The following DPP8 variants were observed in gnomAD, a reference collection of about 807,000 sequenced individuals.
DPP8 encodes the protein DPP VIII.
DPP8 carries 31 observed loss-of-function variants against 107.5 expected under a neutral mutation model. That is an observed-to-expected ratio of 0.29 (90% CI 0.22 to 0.39). The LOEUF (loss-of-function observed/expected upper bound fraction) is 0.39. DPP8 is among the 10% of genes least tolerant of loss of function. The probability of loss-of-function intolerance (pLI) is 1.00; values close to 1 mark genes in which losing one functional copy is unlikely to be tolerated. For synonymous variants in DPP8, 381 were observed against 356.6 expected, an observed-to-expected ratio of 1.07 and a Z score of -0.77; for missense variants, 842 against 1,076.1, an observed-to-expected ratio of 0.78 and a Z score of 3.04.
At chr15:65,464,414 G>T (rs1310757800) in intron 14 of DPP8, among the ~76,000 whole-genome samples, 3 of 151,896 alleles carry the variant, frequency 2.0e-5, no homozygotes, top group Non-Finnish European at 4.4e-5. Flanking sequence ...AGGCACGGTG[G>T]CTCACACCTA....
At chr15:65,492,269 G>C (rs114242275) in intron 5 of DPP8, among the ~76,000 whole-genome samples, 2 of 151,958 alleles carry the variant, frequency 1.3e-5, no homozygotes, top group Non-Finnish European at 2.9e-5. Context: ...TTGAGTCTGG[G>C]AGAAGGAGGA....
chr15:65,516,628 T>G (rs1251270090), intron 1 of DPP8: 1 of 152,164 alleles, frequency 6.6e-6, no homozygotes, highest in Non-Finnish European at 1.5e-5. Context: ...ACTAAGCCCC[T>G]CACTCAGAAA....
intron 14 of DPP8, 61 bp from the exon 15 acceptor site, chr15:65,463,967 G>T: frequency 7.7e-7 from 1 of 1,297,302 alleles, no homozygotes; most frequent in South Asian, 1.7e-5. Flanking sequence ...CTACAATCTG[G>T]GAACAAGAAA....
intron 3 of DPP8, among the ~76,000 whole-genome samples, chr15:65,507,033 G>C (rs1478317896): frequency 2.0e-5 from 3 of 152,056 alleles, no homozygotes; most frequent in Non-Finnish European, 4.4e-5. Flanking sequence ...CAGTTAAACA[G>C]GGAGAAAGCA....
At chr15:65,474,145 AT>A in intron 12 of DPP8, 63 bp downstream of exon 12, 1 of 1,198,034 alleles carries the variant, frequency 8.3e-7, no homozygotes. Context: ...TACATTACTC[AT>A]TTTTAGCACT....
intron 7 of DPP8, among the ~76,000 whole-genome samples, chr15:65,485,976 C>A (rs562366317): frequency 6.6e-6 from 1 of 151,550 alleles, no homozygotes; most frequent in Non-Finnish European, 1.5e-5. Context: ...CGCCTGTAAT[C>A]CCAGCTACTC....
rs896613011 is a variant in DPP8, at chr15:65,512,060, G to A, written c.259+235C>T. The A allele has an allele frequency of 2.0e-5, 13 of 652,518 alleles. No homozygotes were observed. In the East Asian group the frequency reaches 2.8e-4, roughly 14 times the overall value. The allele number at this position is 652,518 out of a possible 1,614,324, so 40.4% of individuals were successfully genotyped here. On this transcript the variant is annotated intron_variant, in intron 2 of 19. Coordinates refer to ENST00000300141, the MANE Select transcript of DPP8 (RefSeq NM_130434.5). Reference sequence around the variant, plus strand: ...CTAGCTTTAGGAAGAAGCAATTTCTGGCATCTTCGATTTTGAAAAACGATC... The same window carrying A: ...CTAGCTTTAGGAAGAAGCAATTTCTAGCATCTTCGATTTTGAAAAACGATC...
intron 17 of DPP8, among the ~76,000 whole-genome samples, chr15:65,453,845 T>C (rs1052553545): frequency 2.0e-5 from 3 of 151,996 alleles, no homozygotes; most frequent in Non-Finnish European, 4.4e-5. Flanking sequence ...CAGTGGCTCA[T>C]GCCTGTAATC....
chr15:65,513,107 ATT>A (rs1274094935), intron 1 of DPP8, among the ~76,000 whole-genome samples: 1 of 152,190 alleles, frequency 6.6e-6, no homozygotes, highest in Non-Finnish European at 1.5e-5. Context: ...AAGATAATAT[ATT>A]GTTTCCTTTT....
At position 65,507,493 on chromosome 15, in the gene DPP8, G is replaced by A. The variant is rs1166643269; in HGVS notation, c.260-138C>T. 5 of 545,872 alleles carry A rather than the reference G, an allele frequency of 9.2e-6. No individual in the cohort carries two copies. In the East Asian group the frequency reaches 1.6e-4, roughly 18 times the overall value. The allele number at this position is 545,872 out of a possible 1,614,324, so 33.8% of individuals were successfully genotyped here. On this transcript the variant is annotated intron_variant, in intron 2 of 19. Coordinates refer to ENST00000300141, the MANE Select transcript of DPP8 (RefSeq NM_130434.5). The stretch of plus-strand genomic sequence containing the variant: ...GATATATAATGAATGTTAACAAGTA[G>A]AATGTGCTTATGCCATATGCCATAA...
chr15:65,480,241 G>A lies in DPP8; in HGVS notation c.1277C>T (p.Thr426Ile), dbSNP rs771999798. The change falls in exon 10 of 20, where the codon ACA becomes ATA. Residue 426 changes from threonine (T) to isoleucine (I), a missense_variant. This residue lies in a region of DPP8 where 663 missense variants were observed against 758.0 expected (regional missense o/e 0.87). Coordinates refer to ENST00000300141, the MANE Select transcript of DPP8 (RefSeq NM_130434.5). ...GCATACATTTATCCAGATGTCTGTT[G>A]TTTCTTCATAGATAATTAGTGGCGT... ...SVTPLIIYEE[T>I]TDIWINIHDI... The A allele has an allele frequency of 2.5e-6, 4 of 1,612,848 alleles. No homozygotes were observed. The East Asian group carries it at 6.7e-5, about 27-fold the overall frequency.
intron 2 of DPP8, among the ~76,000 whole-genome samples, chr15:65,509,712 T>C (rs184851277): frequency 5.1e-4 from 77 of 152,276 alleles, no homozygotes; most frequent in African/African-American, 1.8e-3. Context: ...CAAAAATGTA[T>C]GATTTCTTAT....
chr15:65,464,883 G>A (rs1249251476), intron 14 of DPP8, among the ~76,000 whole-genome samples: 5 of 152,148 alleles, frequency 3.3e-5, no homozygotes, highest in Non-Finnish European at 5.9e-5. Context: ...AACAGATAAA[G>A]CTGGGTGGGG....
chr15:65,480,495 G>C (rs781407099), intron 9 of DPP8, 96 bp from the exon 10 acceptor site: 4 of 777,306 alleles, frequency 5.1e-6, no homozygotes, highest in Non-Finnish European at 7.9e-6. Flanking sequence ...AATTATATCT[G>C]TAATCACCAT....
intron 5 of DPP8, among the ~76,000 whole-genome samples, chr15:65,490,636 T>C (rs1816334689): frequency 6.6e-6 from 1 of 152,160 alleles, no homozygotes; most frequent in Admixed American, 6.6e-5. Context: ...AGCAGGATCA[T>C]GGAAAAAAGA....
At chr15:65,492,338 T>A (rs907794610) in intron 5 of DPP8, among the ~76,000 whole-genome samples, 6 of 151,910 alleles carry the variant, frequency 3.9e-5, no homozygotes, top group Admixed American at 1.3e-4. Flanking sequence ...TGAGACCATG[T>A]CTCAAAAAAG....
At position 65,478,839 on chromosome 15, in the gene DPP8, C is replaced by T. The variant is rs200109568; in HGVS notation, c.1456+41G>A. Reference sequence around the variant, plus strand: ...CCCCTGTCCCTCCCACCTTCTGCTTCCAACATTTTTTCTTTTTTTAAAATA... The same window carrying T: ...CCCCTGTCCCTCCCACCTTCTGCTTTCAACATTTTTTCTTTTTTTAAAATA... On this transcript the variant is annotated intron_variant, in intron 11 of 19. Transcript: ENST00000300141. 2.7e-4 allele frequency: 397 copies of T among 1,457,426 alleles called. No individual in the cohort carries two copies. The African/African-American group carries it at 5.4e-3, about 20-fold the overall frequency. The allele number at this position is 1,457,426 out of a possible 1,614,324, so 90.3% of individuals were successfully genotyped here. A position where few individuals can be genotyped will look rare whatever the true frequency, so the allele number is the denominator to read the frequency against.
In DPP8 at chr15:65,496,397, C is replaced by T. The variant is rs2068604779; in HGVS notation, c.715+1467G>A. The stretch of plus-strand genomic sequence containing the variant: ...AGCAAAAGTTAGACAAAAGAATTTT[C>T]AGTCATCATCTTCATTATGGTACTT... On this transcript the variant is annotated intron_variant, in intron 5 of 19. Coordinates refer to ENST00000300141, the MANE Select transcript of DPP8 (RefSeq NM_130434.5). 2.6e-5 allele frequency among the ~76,000 whole-genome samples: 4 copies of T among 152,264 alleles called. No individual in the cohort carries two copies. In the South Asian group the frequency reaches 6.2e-4, roughly 24 times the overall value.
chr15:65,463,953 A>G (rs1034579975), intron 14 of DPP8, 47 bp from the exon 15 acceptor site: 22 of 1,390,498 alleles, frequency 1.6e-5, no homozygotes, highest in Non-Finnish European at 1.8e-5. Flanking sequence ...TTCTTATGGG[A>G]GTGCTACAAT....
Sources: allele counts gnomAD v4.1 joint callset (sites outside exome capture counted in the v4.1 genomes callset), GRCh38; gene constraint gnomAD v4.1.1; regional missense constraint gnomAD v4.1.1; transcripts MANE v1.5; gene names NCBI Gene and HGNC (gene_info 2026-07-23, HGNC 2026-07-21).